DNHD1: variants seen among roughly 807,000 people sequenced by gnomAD.
DNHD1 encodes the protein dynein heavy chain domain 1, also known as dynein heavy chain domain-containing protein 1.
Under a neutral mutation model 458.1 loss-of-function variants are expected in DNHD1, and 383 were observed. The ratio of observed to expected loss-of-function variants is 0.84; its 90% CI spans 0.77 to 0.91. DNHD1 has a LOEUF of 0.91. Among genes scored for constraint, DNHD1 ranks in the 40% least tolerant of loss-of-function variants. The pLI, the probability that DNHD1 is intolerant of heterozygous loss-of-function variation, is 0.00. For missense variants in DNHD1, 5,336 were observed against 5,866.1 expected, an observed-to-expected ratio of 0.91 and a Z score of 2.95; for synonymous variants, 2,203 against 2,376.9, an observed-to-expected ratio of 0.93 and a Z score of 2.13.
Position 6,564,601 on chromosome 11 carries a change from C to A in DNHD1, c.10553C>A (p.Ser3518Ter), listed in dbSNP as rs944096011. ...FSILSLLSSE[S>*]EQYQWDGNLK... ...ATTCTGTCCTTGCTGAGCTCTGAAT[C>A]GGAGCAGTACCAGTGGGATGGAAAC... Residue 3518 changes from serine (S) to a stop codon, truncating the protein, a stop_gained, in exon 32 of 43, where the codon TCG (serine) becomes TAG (stop). Transcript: ENST00000254579. LOFTEE classifies it high-confidence loss of function. 3 of 1,551,604 alleles carry A rather than the reference C, an allele frequency of 1.9e-6. No homozygotes were observed. Among genetic ancestry groups the A allele is most frequent in the Non-Finnish European group, 2.6e-6 (3 of 1,147,012 alleles).
Position 6,545,867 on chromosome 11 carries a change from T to C in DNHD1, c.4928T>C (p.Leu1643Pro). 1.3e-6 allele frequency: 2 copies of C among 1,551,848 alleles called. No homozygotes were observed. The highest frequency in any genetic ancestry group is 1.7e-6 in the Non-Finnish European group (2 of 1,147,012). Reference sequence around the variant, plus strand: ...CCAGCGGCATGCTGGATAGATGTGCTAGGCAGGTCCTTCCTGTACAATTAC... The same window carrying C: ...CCAGCGGCATGCTGGATAGATGTGCCAGGCAGGTCCTTCCTGTACAATTAC... ...LSPAACWIDV[L>P]GRSFLYNYEY... is the part of the protein sequence containing the mutation. The change falls in exon 21 of 43, where the codon CTA becomes CCA. Residue 1643 changes from leucine to proline, a missense_variant. By Grantham distance (98) the Leu-to-Pro change is moderately conservative (BLOSUM62 -3). Coordinates refer to ENST00000254579, the MANE Select transcript of DNHD1 (RefSeq NM_144666.3). The surrounding 1 kb of genome is among the most constrained non-coding windows in gnomAD (Gnocchi z 4.9).
intron 21 of DNHD1, 93 bp downstream of exon 21, chr11:6,547,759 A>G: frequency 6.7e-7 from 1 of 1,491,516 alleles, no homozygotes; most frequent in South Asian, 1.3e-5. Context: ...TCTTTGGTGG[A>G]TCTGGGCCAG....
chr11:6,558,258 G>A lies in DNHD1; in HGVS notation c.8963G>A (p.Gly2988Asp). 1 of 1,551,618 alleles carries A rather than the reference G, an allele frequency of 6.4e-7. No homozygotes were observed. Among genetic ancestry groups the A allele is most frequent in the South Asian group, 1.2e-5 (1 of 84,050 alleles). Residue 2988 changes from glycine to aspartate, a missense_variant, in exon 25 of 43, where the codon GGT becomes GAT. Coordinates refer to ENST00000254579, the MANE Select transcript of DNHD1 (RefSeq NM_144666.3). ...IGEHLPRENL[G>D]VKQNIKKEMV... ...GAACACCTCCCCAGGGAGAACCTTG[G>A]TGTCAAACAGAACATCAAGAAGGAA...
intron 4 of DNHD1, among the ~76,000 whole-genome samples, chr11:6,507,791 G>C (rs1037427715): frequency 1.3e-5 from 2 of 152,180 alleles, no homozygotes; most frequent in Non-Finnish European, 2.9e-5. Flanking sequence ...CTTGGGCAAA[G>C]CTTTAACTTC....
chr11:6,571,764 T>A lies in DNHD1; in HGVS notation c.14040T>A (p.Pro4680=). 1 of 1,613,768 alleles carries A rather than the reference T, an allele frequency of 6.2e-7. No individual in the cohort carries two copies. Among genetic ancestry groups the A allele is most frequent in the African/African-American group, 1.3e-5 (1 of 75,018 alleles). ...ACAGTCCTTCCAGCCAACCCAGCCC[T>A]CTGCCTCCCGTCAGCATCAGCACAC... ...LQDSPSSQPS[P]LPPVSISTQA... The change falls in exon 43 of 43, where the codon CCT becomes CCA. Residue 4680 remains proline (P), a synonymous_variant. Transcript: ENST00000254579. The surrounding 1 kb of genome is among the most constrained non-coding windows in gnomAD (Gnocchi z 5.0).
In DNHD1 at chr11:6,511,274, C is replaced by T; in HGVS notation, c.1237C>T (p.Leu413Phe). 6.2e-7 allele frequency: 1 copy of T among 1,614,084 alleles called. No individual in the cohort carries two copies. The highest frequency in any genetic ancestry group is 8.5e-7 in the Non-Finnish European group (1 of 1,179,958). Reference protein sequence around the residue: ...FGAGLLHISRLLQELHSVSWL... With the variant: ...FGAGLLHISRFLQELHSVSWL... ...GACCAGCTTAGTCCTTGATTCTAGGCTTCTGCAGGAGCTACACTCTGTGTC... is the reference window on the plus strand; with the variant it reads ...GACCAGCTTAGTCCTTGATTCTAGGTTTCTGCAGGAGCTACACTCTGTGTC... Residue 413 changes from leucine to phenylalanine, a missense_variant and splice_region_variant, in exon 7 of 43, where the codon CTT becomes TTT. Around this residue, in one of 4 missense-constraint regions of DNHD1, gnomAD observed 3,932 missense variants for 4,365.6 expected, o/e 0.90. Coordinates refer to ENST00000254579, the MANE Select transcript of DNHD1 (RefSeq NM_144666.3).
rs141669733 is a variant in DNHD1, at chr11:6,554,399, G to A, written c.7388-2284G>A. Among the ~76,000 whole-genome samples the A allele has an allele frequency of 1.2e-4, 19 of 152,194 alleles. No individual in the cohort carries two copies. The East Asian group carries it at 3.3e-3, about 26-fold the overall frequency. ...AGAAAAAAATTGGAGAAAAATCTGT[G>A]TGACCTTGGTTGGGCAATGATTTCT... On this transcript the variant is annotated intron_variant, in intron 24 of 42. Transcript: ENST00000254579.
In DNHD1 at chr11:6,498,232, G is replaced by A. The variant is rs771925360; in HGVS notation, c.17G>A (p.Arg6Lys). Residue 6 changes from arginine (R) to lysine (K), a missense_variant, in exon 3 of 43, where the codon AGG (arginine) becomes AAG (lysine). This residue lies in a region of DNHD1 where 3,932 missense variants were observed against 4,365.6 expected (regional missense o/e 0.90). Coordinates refer to ENST00000254579, the MANE Select transcript of DNHD1 (RefSeq NM_144666.3). MVPEE[R>K]RVGLSSDETS... The stretch of plus-strand genomic sequence containing the variant: ...CAGCTCCTCATGGTCCCGGAGGAGA[G>A]GAGGGTAGGTTTGTCTTCTGATGAG... The A allele has an allele frequency of 7.4e-6, 12 of 1,612,680 alleles. No individual in the cohort carries two copies. The highest frequency in any genetic ancestry group is 5.3e-5 in the African/African-American group (4 of 74,916).
intron 12 of DNHD1, among the ~76,000 whole-genome samples, chr11:6,532,366 A>T (rs1852843131): frequency 6.6e-6 from 1 of 152,208 alleles, no homozygotes; most frequent in African/African-American, 2.4e-5. Flanking sequence ...AAAGTTGTTC[A>T]TACTGCCAAG....
chr11:6,571,273 C>T lies in DNHD1; in HGVS notation c.13761C>T (p.Arg4587=). 6.2e-7 allele frequency: 1 copy of T among 1,612,258 alleles called. No individual in the cohort carries two copies. The highest frequency in any genetic ancestry group is 8.5e-7 in the Non-Finnish European group (1 of 1,179,574). ...PERVFHLSAF[R]HPRRLLLALR... ...GCGTCTTCCACCTGTCAGCCTTTCGCCACCCGCGCCGCCTGCTGCTGGCAT... is the reference window on the plus strand; with the variant it reads ...GCGTCTTCCACCTGTCAGCCTTTCGTCACCCGCGCCGCCTGCTGCTGGCAT... The change falls in exon 42 of 43, where the codon CGC becomes CGT. Residue 4587 remains arginine, a synonymous_variant. Transcript: ENST00000254579. This position sits in a 1 kb window ranked among gnomAD's most constrained non-coding sequence, Gnocchi z 5.0.
chr11:6,564,265 T>C, intron 31 of DNHD1, 68 bp from the exon 32 acceptor site: 1 of 1,468,256 alleles, frequency 6.8e-7, no homozygotes, highest in Non-Finnish European at 9.2e-7. Flanking sequence ...TTGCCCTCCC[T>C]CTGCCATATC....
Position 6,571,424 on chromosome 11 carries a change from G to A in DNHD1, c.13911+1G>A. ...GAACAGCAACCCTCTGCACTTCAGG[G>A]TATCTTCGCGCCGCCCCTCGTTCGC... On this transcript the variant is annotated splice_donor_variant, in intron 42 of 42. Coordinates refer to ENST00000254579, the MANE Select transcript of DNHD1 (RefSeq NM_144666.3). LOFTEE classifies it high-confidence loss of function. This position sits in a 1 kb window ranked among gnomAD's most constrained non-coding sequence, Gnocchi z 5.0. 7 of 1,583,826 alleles carry A rather than the reference G, an allele frequency of 4.4e-6. No homozygotes were observed. Among genetic ancestry groups the A allele is most frequent in the Non-Finnish European group, 6.0e-6 (7 of 1,160,588 alleles).
chr11:6,532,609 C>T (rs1458821791), intron 12 of DNHD1, among the ~76,000 whole-genome samples: 1 of 152,146 alleles, frequency 6.6e-6, no homozygotes, highest in Non-Finnish European at 1.5e-5. Flanking sequence ...AGAATTAATA[C>T]TCAACACATC....
Position 6,557,729 on chromosome 11 carries a change from C to T in DNHD1, c.8434C>T (p.Pro2812Ser), listed in dbSNP as rs1434058762. The change falls in exon 25 of 43, where the codon CCC (proline) becomes TCC (serine). Residue 2812 changes from proline (P) to serine (S), a missense_variant. Around this residue, in one of 4 missense-constraint regions of DNHD1, gnomAD observed 3,932 missense variants for 4,365.6 expected, o/e 0.90. Coordinates refer to ENST00000254579, the MANE Select transcript of DNHD1 (RefSeq NM_144666.3). ...PLLLPVLLLH[P>S]QEKPSDLVFS... ...GTTGTTACCAGTGTTACTACTACAT[C>T]CCCAGGAAAAGCCCTCAGACCTGGT... The T allele has an allele frequency of 2.6e-6, 4 of 1,551,582 alleles. No homozygotes were observed. Among genetic ancestry groups the T allele is most frequent in the Non-Finnish European group, 3.5e-6 (4 of 1,146,996 alleles).
In DNHD1 at chr11:6,568,014, G is replaced by C. The variant is rs1853748773; in HGVS notation, c.12352-42G>C. The C allele has an allele frequency of 2.0e-6, 3 of 1,524,710 alleles. No homozygotes were observed. The African/African-American group carries it at 4.1e-5, about 21-fold the overall frequency. 94.4% of individuals were successfully genotyped at this position (1,524,710 alleles called of 1,614,324 possible). A position where few individuals can be genotyped will look rare whatever the true frequency, so the allele number is the denominator to read the frequency against. ...GTTTGGGTCCCTCGGGTCACCCTAGGATCACTTTGAGTCATGCTGCCATCT... is the reference window on the plus strand; with the variant it reads ...GTTTGGGTCCCTCGGGTCACCCTAGCATCACTTTGAGTCATGCTGCCATCT... On this transcript the variant is annotated intron_variant, in intron 36 of 42. Transcript: ENST00000254579.
chr11:6,539,259 G>T lies in DNHD1; in HGVS notation c.3366G>T (p.Thr1122=). 1.3e-6 allele frequency: 2 copies of T among 1,551,624 alleles called. No homozygotes were observed. Among genetic ancestry groups the T allele is most frequent in the South Asian group, 1.2e-5 (1 of 84,064 alleles). ...GTCTCCAAACTATAGAACTCCTAAC[G>T]CTGGGCCAGCTGCTTACTTATCCAC... ...LGSLQTIELL[T]LGQLLTYPLL... The change falls in exon 17 of 43, where the codon ACG becomes ACT. Residue 1122 remains threonine (T), a synonymous_variant. Coordinates refer to ENST00000254579, the MANE Select transcript of DNHD1 (RefSeq NM_144666.3).
Position 6,551,770 on chromosome 11 carries a change from G to A in DNHD1, c.7387+2837G>A, listed in dbSNP as rs139735591. ...ATCCTGGCCAACATGGTGAAACCCCGTCTCTACTAAAAATGCAAAAATTAG... is the reference window on the plus strand; with the variant it reads ...ATCCTGGCCAACATGGTGAAACCCCATCTCTACTAAAAATGCAAAAATTAG... On this transcript the variant is annotated intron_variant, in intron 24 of 42. Transcript: ENST00000254579. Among the ~76,000 whole-genome samples, 166 of 152,046 alleles carry A rather than the reference G, an allele frequency of 1.1e-3. 2 individuals are homozygous for A. The highest frequency in any genetic ancestry group is 3.7e-3 in the East Asian group (19 of 5,156).
In DNHD1 at chr11:6,498,454, C is replaced by T. The variant is rs372137602; in HGVS notation, c.239C>T (p.Ala80Val). Residue 80 changes from alanine (A) to valine (V), a missense_variant, in exon 3 of 43, where the codon GCT (alanine) becomes GTT (valine). Coordinates refer to ENST00000254579, the MANE Select transcript of DNHD1 (RefSeq NM_144666.3). ...GTGTTGCAGGACAGTAGCCCTGCAG[C>T]TTGGCGCTATCTTCATGCAGTACTG... Reference protein sequence around the residue: ...SAVLQDSSPAAWRYLHAVLGL... With the variant: ...SAVLQDSSPAVWRYLHAVLGL... The T allele has an allele frequency of 2.5e-6, 4 of 1,614,228 alleles. No homozygotes were observed. Among genetic ancestry groups the T allele is most frequent in the Non-Finnish European group, 1.7e-6 (2 of 1,180,048 alleles).
At chr11:6,565,220 T>C (rs1853672812) in intron 32 of DNHD1, among the ~76,000 whole-genome samples, 1 of 152,208 alleles carries the variant, frequency 6.6e-6, no homozygotes, top group African/African-American at 2.4e-5. Flanking sequence ...AAATGTGACC[T>C]TATTTGGAAA....
Sources: allele counts gnomAD v4.1 joint callset (sites outside exome capture counted in the v4.1 genomes callset), GRCh38; gene constraint gnomAD v4.1.1; regional missense constraint gnomAD v4.1.1; non-coding constraint Gnocchi (gnomAD v3.1); transcripts MANE v1.5; gene names NCBI Gene and HGNC (gene_info 2026-07-23, HGNC 2026-07-21).